SLC5A11: variants seen among roughly 807,000 people sequenced by gnomAD.
SLC5A11 encodes sodium/myo-inositol cotransporter 2.
A neutral mutation model predicts 69.8 loss-of-function variants in SLC5A11; 48 were observed. The ratio of observed to expected loss-of-function variants is 0.69; its 90% CI spans 0.55 to 0.87. The LOEUF (loss-of-function observed/expected upper bound fraction) is 0.87, where lower values mean the gene tolerates loss of function less well. Among genes scored for constraint, SLC5A11 ranks in the 40% least tolerant of loss-of-function variants. The probability of loss-of-function intolerance (pLI) is 0.00; values close to 1 mark genes in which losing one functional copy is unlikely to be tolerated. For synonymous variants in SLC5A11, 319 were observed against 342.4 expected, an observed-to-expected ratio of 0.93 and a Z score of 0.75; for missense variants, 784 against 866.1, an observed-to-expected ratio of 0.91 and a Z score of 1.19.
chr16:24,877,434 T>C, intron 7 of SLC5A11, 71 bp downstream of exon 8: 2 of 1,127,824 alleles, frequency 1.8e-6, no homozygotes, highest in Non-Finnish European at 2.7e-6. Context: ...TACCTTCTCC[T>C]TGCCCATCTT....
chr16:24,888,922 G>C (rs974471104), intron 8 of SLC5A11, among the ~76,000 whole-genome samples: 11 of 145,646 alleles, frequency 7.6e-5, no homozygotes, highest in African/African-American at 2.5e-4. Context: ...TCAGCCTCCT[G>C]AGTAACTGGG....
intron 1 of SLC5A11, among the ~76,000 whole-genome samples, chr16:24,849,708 G>A (rs1368132033): frequency 6.8e-6 from 1 of 147,836 alleles, no homozygotes; most frequent in Non-Finnish European, 1.5e-5. Context: ...CTGGAATAAT[G>A]AGACAAGATC....
At chr16:24,893,966 T>A (rs1849957149) in intron 9 of SLC5A11, among the ~76,000 whole-genome samples, 1 of 152,222 alleles carries the variant, frequency 6.6e-6, no homozygotes, top group African/African-American at 2.4e-5. Context: ...TGTTGGAACT[T>A]CTTTCTCTGG....
intron 2 of SLC5A11, among the ~76,000 whole-genome samples, chr16:24,860,237 A>AGAT (rs2059706603): frequency 6.6e-6 from 1 of 152,214 alleles, no homozygotes; most frequent in Non-Finnish European, 1.5e-5. Context: ...CAGTGAGCCG[A>AGAT]GATCGTGCCA....
At chr16:24,870,781 CAAAAAAAAAAA>C (rs57742222) in intron 4 of SLC5A11, among the ~76,000 whole-genome samples, 1 of 66,546 alleles carries the variant, frequency 1.5e-5, no homozygotes, top group East Asian at 5.0e-4. Flanking sequence ...CTCTGTCTCA[CAAAAAAAAAAA>C]AAAAAAAAAA....
chr16:24,848,344 C>T (rs770031686), intron 1 of SLC5A11, among the ~76,000 whole-genome samples: 4 of 150,708 alleles, frequency 2.7e-5, no homozygotes, highest in African/African-American at 4.9e-5. Flanking sequence ...TGAGGTGGCT[C>T]ATGCCTGCAA....
rs185860898 is a variant in SLC5A11, at chr16:24,868,535, C to T, written c.208-1366C>T. On this transcript the variant is annotated intron_variant, in intron 3 of 15. Coordinates refer to ENST00000347898, the Ensembl canonical transcript of SLC5A11. ...AATGGCATGAACCTGGGGGATGGAG[C>T]TTGCGGTGAGCTGAGATCACACCAC... is the stretch of plus-strand genomic sequence containing the variant. Among the ~76,000 whole-genome samples, 1,366 of 146,026 alleles carry T rather than the reference C, an allele frequency of 9.4e-3. 22 individuals are homozygous for T. The highest frequency in any genetic ancestry group is 0.032 in the African/African-American group (1,263 of 39,686).
chr16:24,894,099 G>T (rs1432211436), intron 9 of SLC5A11, among the ~76,000 whole-genome samples: 1 of 152,170 alleles, frequency 6.6e-6, no homozygotes, highest in Non-Finnish European at 1.5e-5. Flanking sequence ...AGATGAGAGA[G>T]CTGAGCCTGG....
chr16:24,874,166 A>C lies in SLC5A11; in HGVS notation c.373-1461A>C, dbSNP rs538236026. 1.3e-3 allele frequency among the ~76,000 whole-genome samples: 198 copies of C among 152,228 alleles called. 1 individual carries two copies. Among genetic ancestry groups the C allele is most frequent in the Non-Finnish European group, 2.4e-3 (166 of 68,010 alleles). On this transcript the variant is annotated intron_variant, in intron 5 of 15. Coordinates refer to ENST00000347898, the Ensembl canonical transcript of SLC5A11. ...TTTTGTTACATGTAGCTGATGTGTT[A>C]ATTTTCATTGCTATGCGGTATCGTG...
chr16:24,892,352 C>T (rs895107506), intron 9 of SLC5A11, among the ~76,000 whole-genome samples: 9 of 150,068 alleles, frequency 6.0e-5, no homozygotes, highest in Non-Finnish European at 1.2e-4. Context: ...GCAGAAGGAA[C>T]ACCCAGAGCG....
intron 10 of SLC5A11, among the ~76,000 whole-genome samples, chr16:24,905,630 G>GCA (rs2049982285): frequency 2.8e-5 from 2 of 70,990 alleles, no homozygotes; most frequent in South Asian, 3.9e-4. Flanking sequence ...TCAAAAACAC[G>GCA]CGCGCGCGCG....
rs1421615028 is a variant in SLC5A11 at position 24,910,627 on chromosome 16, G to C, written c.1822+150G>C. 6.8e-6 allele frequency: 6 copies of C among 881,958 alleles called. No homozygotes were observed. The Admixed American group carries it at 1.7e-4, about 26-fold the overall frequency. The allele number at this position is 881,958 out of a possible 1,614,324, so 54.6% of individuals were successfully genotyped here. A position where few individuals can be genotyped will look rare whatever the true frequency, so the allele number is the denominator to read the frequency against. ...GCTCCAGTGTCTGATCTGTCCCCAC[G>C]CTCCGGCCATGGGAAAGGAGTTTTT... is the stretch of plus-strand genomic sequence containing the variant. On this transcript the variant is annotated intron_variant, in intron 15 of 15. Coordinates refer to ENST00000347898, the Ensembl canonical transcript of SLC5A11.
intron 2 of SLC5A11, chr16:24,862,005 G>A (rs2046600924): frequency 6.6e-6 from 1 of 152,044 alleles, no homozygotes; most frequent in Non-Finnish European, 1.5e-5. Context: ...TACTATCTAC[G>A]AGGAACAGGC....
At chr16:24,885,286 T>TA (rs1385396455) in intron 8 of SLC5A11, among the ~76,000 whole-genome samples, 3 of 121,654 alleles carry the variant, frequency 2.5e-5, no homozygotes, top group Non-Finnish European at 6.0e-5. Context: ...TTATTATTGT[T>TA]AAGCGGGGGA....
chr16:24,909,178 G>C (rs1254574610), intron 14 of SLC5A11, 82 bp downstream of exon 15: 3 of 1,438,228 alleles, frequency 2.1e-6, no homozygotes, highest in Non-Finnish European at 2.9e-6. Flanking sequence ...CTTAAGCGAA[G>C]GAGACTGATT....
intron 1 of SLC5A11, among the ~76,000 whole-genome samples, 176 bp from the exon 3 acceptor site, chr16:24,858,440 ATGAG>A (rs2059624406): frequency 6.6e-6 from 1 of 152,146 alleles, no homozygotes; most frequent in Non-Finnish European, 1.5e-5. Context: ...GAATGAATGA[ATGAG>A]TGAGTGGATG....
chr16:24,870,061 C>G, intron 4 of SLC5A11, 56 bp downstream of exon 5: 1 of 1,253,066 alleles, frequency 8.0e-7, no homozygotes, highest in Non-Finnish European at 1.2e-6. Context: ...ACAGGTAGAT[C>G]TCAGGGGAAA....
chr16:24,864,106 C>T (rs754011864), intron 3 of SLC5A11, among the ~76,000 whole-genome samples: 6 of 152,050 alleles, frequency 3.9e-5, no homozygotes, highest in African/African-American at 7.2e-5. Flanking sequence ...AATAGAAAAG[C>T]TGGGAAGTGA....
Position 24,872,231 on chromosome 16 carries a change from G to T in SLC5A11, c.372+12G>T. 1 of 1,614,064 alleles carries T rather than the reference G, an allele frequency of 6.2e-7. No individual in the cohort carries two copies. The highest frequency in any genetic ancestry group is 8.5e-7 in the Non-Finnish European group (1 of 1,179,962). On this transcript the variant is annotated intron_variant, in intron 5 of 15. Coordinates refer to ENST00000347898, the Ensembl canonical transcript of SLC5A11. ...ACATTGCTGGTCAGGTGAGTCGGGG[G>T]ACATTGGGATGCTGTAGAATTGAAA...
Sources: gnomAD v4.1 joint callset for allele counts (sites outside exome capture counted in the v4.1 genomes callset) on GRCh38, gnomAD v4.1.1 for gene constraint, MANE v1.5 for transcripts, NCBI Gene and HGNC (gene_info 2026-07-23, HGNC 2026-07-21) for gene names.